The following TRPC4AP variants were observed in gnomAD, a reference collection of about 807,000 sequenced individuals.
TRPC4AP encodes short transient receptor potential channel 4-associated protein.
Under a neutral mutation model 99.0 loss-of-function variants are expected in TRPC4AP, and 45 were observed. That is an observed-to-expected ratio of 0.45 (90% CI 0.36 to 0.58). The LOEUF (loss-of-function observed/expected upper bound fraction) is 0.58. Ranked by LOEUF, TRPC4AP falls within the 20% of genes least tolerant of loss-of-function variation. The pLI is 0.00. For missense variants in TRPC4AP, 879 were observed against 985.3 expected (o/e 0.89, Z 1.44); for synonymous variants, 408 against 385.8 (o/e 1.06, Z -0.67).
chr20:35,067,390 A>C (rs1247314063), intron 3 of TRPC4AP, among the ~76,000 whole-genome samples: 1 of 152,180 alleles, frequency 6.6e-6, no homozygotes, highest in Non-Finnish European at 1.5e-5. Context: ...ATACAGAAAA[A>C]CTGAAACCCT....
At chr20:35,027,129 C>T (rs568742272) in intron 8 of TRPC4AP, among the ~76,000 whole-genome samples, 2 of 152,198 alleles carry the variant, frequency 1.3e-5, no homozygotes, top group African/African-American at 2.4e-5. Flanking sequence ...ATCAGGAACT[C>T]GTCTTGTTCC....
Position 35,050,012 on chromosome 20 carries a change from G to C in TRPC4AP, c.529-18C>G, listed in dbSNP as rs2083656986. 6.2e-7 allele frequency: 1 copy of C among 1,610,266 alleles called. No individual in the cohort carries two copies. Among genetic ancestry groups the C allele is most frequent in the East Asian group, 2.2e-5 (1 of 44,716 alleles). On this transcript the variant is annotated intron_variant, in intron 5 of 18. Transcript: ENST00000252015. ...CCCTCTGTCTGTCACAAGAAGAAAA[G>C]GCAGAATAGGTTGTAAGTACAAAAT...
At chr20:35,053,165 T>C (rs2083744689) in intron 5 of TRPC4AP, among the ~76,000 whole-genome samples, 1 of 152,234 alleles carries the variant, frequency 6.6e-6, no homozygotes, top group South Asian at 2.1e-4. Context: ...AGCCATCAGC[T>C]TAAATACTTG....
rs543092345 is a variant in TRPC4AP, at chr20:35,045,687, C to T, written c.658-975G>A. 4.6e-5 allele frequency among the ~76,000 whole-genome samples: 7 copies of T among 152,178 alleles called. No individual in the cohort carries two copies. The East Asian group carries it at 1.3e-3, about 29-fold the overall frequency. ...CCAAGTAGTGGGGATTACAGGCGCC[C>T]GCCACCACGCCTGGCTAATTTTTGT... On this transcript the variant is annotated intron_variant, in intron 6 of 18. Coordinates refer to ENST00000252015, the MANE Select transcript of TRPC4AP (RefSeq NM_015638.3).
chr20:35,027,261 G>C (rs527701697), intron 8 of TRPC4AP, among the ~76,000 whole-genome samples: 1 of 152,282 alleles, frequency 6.6e-6, no homozygotes, highest in Admixed American at 6.5e-5. Context: ...ACCATGAAAG[G>C]GTGTTGGATT....
At position 35,016,057 on chromosome 20, in the gene TRPC4AP, G is replaced by A. The variant is rs2082747505; in HGVS notation, c.1301C>T (p.Ala434Val). Reference protein sequence around the residue: ...FDKLIWRKHSASALVLHGHNQ... With the variant: ...FDKLIWRKHSVSALVLHGHNQ... ...GTGACCATGGAGGACAAGGGCAGAT[G>A]CTGAATGCTTCCTCCAAATCAGTTT... The change falls in exon 10 of 19, where the codon GCA becomes GTA. Residue 434 changes from alanine (A) to valine (V), a missense_variant. This residue lies in a region of TRPC4AP where 603 missense variants were observed against 631.8 expected (regional missense o/e 0.95). Coordinates refer to ENST00000252015, the MANE Select transcript of TRPC4AP (RefSeq NM_015638.3). The A allele has an allele frequency of 6.2e-7, 1 of 1,614,210 alleles. No homozygotes were observed. Among genetic ancestry groups the A allele is most frequent in the Non-Finnish European group, 8.5e-7 (1 of 1,180,042 alleles).
intron 2 of TRPC4AP, among the ~76,000 whole-genome samples, chr20:35,076,680 A>T (rs1399458054): frequency 1.3e-5 from 2 of 152,132 alleles, no homozygotes; most frequent in African/African-American, 2.4e-5. Context: ...CCCTACTGGG[A>T]GGTGTCTCCC....
intron 2 of TRPC4AP, among the ~76,000 whole-genome samples, chr20:35,077,657 C>A (rs374173310): frequency 6.6e-6 from 1 of 152,154 alleles, no homozygotes; most frequent in Non-Finnish European, 1.5e-5. Context: ...AATCTTCTTA[C>A]GTTAGTAATA....
chr20:35,091,956 T>A (rs974248145), intron 1 of TRPC4AP, among the ~76,000 whole-genome samples: 1 of 152,102 alleles, frequency 6.6e-6, no homozygotes, highest in African/African-American at 2.4e-5. Context: ...CAGGCCTGAC[T>A]CCAGAGTCCC....
In TRPC4AP at chr20:35,008,733, T is replaced by C; in HGVS notation, c.1526A>G (p.Asp509Gly). ...VLNTDRSLVC[D>G]GKRGLLTRLL... Reference sequence around the variant, plus strand: ...ACGAGTTAATAAGCCCCTCTTCCCATCACACACCAAACTCCTGAAATAGAA... The same window carrying C: ...ACGAGTTAATAAGCCCCTCTTCCCACCACACACCAAACTCCTGAAATAGAA... The change falls in exon 13 of 19, where the codon GAT becomes GGT. Residue 509 changes from aspartate (D) to glycine (G), a missense_variant. By Grantham distance (94) the Asp-to-Gly change is moderately conservative. Around this residue, in one of 3 missense-constraint regions of TRPC4AP, gnomAD observed 603 missense variants for 631.8 expected, o/e 0.95. Transcript: ENST00000252015. 6.2e-7 allele frequency: 1 copy of C among 1,613,810 alleles called. No individual in the cohort carries two copies.
chr20:35,050,598 A>G (rs763253759), intron 5 of TRPC4AP, among the ~76,000 whole-genome samples: 3 of 152,048 alleles, frequency 2.0e-5, no homozygotes, highest in Non-Finnish European at 4.4e-5. Flanking sequence ...CTGTAGTCCT[A>G]GCTACTCAGG....
intron 2 of TRPC4AP, among the ~76,000 whole-genome samples, chr20:35,073,442 G>A (rs2084379513): frequency 6.6e-6 from 1 of 152,166 alleles, no homozygotes; most frequent in Non-Finnish European, 1.5e-5. Flanking sequence ...ATTATTTTAA[G>A]ATACGTCCCA....
intron 6 of TRPC4AP, among the ~76,000 whole-genome samples, chr20:35,049,504 T>A (rs910944671): frequency 2.6e-5 from 4 of 152,040 alleles, no homozygotes; most frequent in African/African-American, 9.7e-5. Context: ...GGTAAGAGAA[T>A]GGAGTCACTG....
intron 7 of TRPC4AP, among the ~76,000 whole-genome samples, chr20:35,037,214 G>C (rs1217476802): frequency 1.3e-5 from 2 of 150,220 alleles, no homozygotes; most frequent in Non-Finnish European, 3.0e-5. Context: ...GGGCGCGGTG[G>C]CAGGCGCCTG....
chr20:35,070,053 G>A (rs1267335940), intron 2 of TRPC4AP, among the ~76,000 whole-genome samples: 1 of 152,120 alleles, frequency 6.6e-6, no homozygotes, highest in African/African-American at 2.4e-5. Flanking sequence ...ATGAGGCCAA[G>A]AGCAACATCC....
intron 3 of TRPC4AP, 69 bp downstream of exon 3, chr20:35,069,227 T>C (rs772022988): frequency 4.0e-5 from 35 of 882,328 alleles, no homozygotes; most frequent in Non-Finnish European, 5.9e-5. Context: ...CTATCTCCCA[T>C]TTCAAAAGTT....
In TRPC4AP at chr20:35,002,411, T is replaced by A. The variant is rs2082411521; in HGVS notation, c.*735A>T. 1.2e-5 allele frequency: 5 copies of A among 426,186 alleles called. No individual in the cohort carries two copies. The highest frequency in any genetic ancestry group is 9.4e-5 in the South Asian group (1 of 10,596). The allele number at this position is 426,186 out of a possible 1,614,324, so 26.4% of individuals were successfully genotyped here. On this transcript the variant is annotated 3_prime_UTR_variant, in exon 19 of 19. Coordinates refer to ENST00000252015, the MANE Select transcript of TRPC4AP (RefSeq NM_015638.3). ...AAGCCAGGTCCACAGCAGTCATTTTTAAAATAAAGTTATTTAATAGTCTCC... is the reference window on the plus strand; with the variant it reads ...AAGCCAGGTCCACAGCAGTCATTTTAAAAATAAAGTTATTTAATAGTCTCC...
At chr20:35,025,410 C>T (rs570417325) in intron 8 of TRPC4AP, among the ~76,000 whole-genome samples, 2 of 152,228 alleles carry the variant, frequency 1.3e-5, no homozygotes, top group African/African-American at 4.8e-5. Flanking sequence ...TGGTCTTGAA[C>T]AATCCTCCTG....
At chr20:35,048,411 G>A (rs2083611565) in intron 6 of TRPC4AP, among the ~76,000 whole-genome samples, 1 of 151,858 alleles carries the variant, frequency 6.6e-6, no homozygotes, top group East Asian at 1.9e-4. Context: ...ATGAGACTGG[G>A]TTTTGCCATG....
Sources: gnomAD v4.1 joint callset for allele counts (sites outside exome capture counted in the v4.1 genomes callset) on GRCh38, gnomAD v4.1.1 for gene constraint, gnomAD v4.1.1 regional missense constraint, MANE v1.5 for transcripts, NCBI Gene and HGNC (gene_info 2026-07-23, HGNC 2026-07-21) for gene names.